CREBL2: variants seen among roughly 807,000 people sequenced by gnomAD.
CREBL2 encodes cAMP responsive element binding protein like 2, also known as cAMP-responsive element-binding protein-like 2.
In CREBL2, 4 loss-of-function variants were observed where a neutral mutation model predicts 19.5. The observed-to-expected ratio is 0.20, with a 90% CI of 0.10 to 0.47. The LOEUF (loss-of-function observed/expected upper bound fraction) is 0.47, where lower values mean the gene tolerates loss of function less well. Ranked by LOEUF, CREBL2 falls within the 20% of genes least tolerant of loss-of-function variation. CREBL2 has a pLI of 0.98. For missense variants in CREBL2, 85 were observed against 145.1 expected (o/e 0.59, Z 2.13); for synonymous variants, 42 against 46.6 (o/e 0.90, Z 0.40).
chr12:12,620,976 T>C (rs1945354274), intron 1 of CREBL2, among the ~76,000 whole-genome samples: 1 of 152,006 alleles, frequency 6.6e-6, no homozygotes. Flanking sequence ...GTTTACAGAG[T>C]AGGAATGAAT....
chr12:12,617,611 A>G (rs955750687), intron 1 of CREBL2, among the ~76,000 whole-genome samples: 2 of 125,976 alleles, frequency 1.6e-5, no homozygotes, highest in African/African-American at 5.9e-5. Flanking sequence ...ACTACGGTGC[A>G]GTAGGTCCCT....
At chr12:12,619,484 A>G (rs1945343543) in intron 1 of CREBL2, among the ~76,000 whole-genome samples, 1 of 152,068 alleles carries the variant, frequency 6.6e-6, no homozygotes, top group African/African-American at 2.4e-5. Context: ...GTATGCAGCT[A>G]TAATCCCAGC....
chr12:12,612,242 C>G, intron 1 of CREBL2, 55 bp downstream of exon 1: 1 of 1,612,630 alleles, frequency 6.2e-7, no homozygotes, highest in East Asian at 2.2e-5. Flanking sequence ...ATGCTAGTCC[C>G]GCGGCTGAAC....
chr12:12,613,466 G>A (rs1350773786), intron 1 of CREBL2, among the ~76,000 whole-genome samples: 1 of 152,194 alleles, frequency 6.6e-6, no homozygotes. Flanking sequence ...TCCTCAGAGA[G>A]ATTCAAAAAA....
At chr12:12,632,767 T>G (rs1945450353) in intron 1 of CREBL2, among the ~76,000 whole-genome samples, 1 of 152,022 alleles carries the variant, frequency 6.6e-6, no homozygotes, top group South Asian at 2.1e-4. Flanking sequence ...TCAAAATATT[T>G]TATTAAAATT....
At chr12:12,618,245 C>T (rs1467690835) in intron 1 of CREBL2, among the ~76,000 whole-genome samples, 1 of 151,204 alleles carries the variant, frequency 6.6e-6, no homozygotes, top group Non-Finnish European at 1.5e-5. Flanking sequence ...GGGGCGGCTG[C>T]CGGGCGGAGA....
At chr12:12,637,817 G>C in intron 3 of CREBL2, 103 bp downstream of exon 3, 1 of 1,265,838 alleles carries the variant, frequency 7.9e-7, no homozygotes, top group Non-Finnish European at 1.1e-6. Context: ...GAGGTGGGCA[G>C]ATCGCTTGAG....
At chr12:12,624,190 G>A (rs376571585) in intron 1 of CREBL2, among the ~76,000 whole-genome samples, 8 of 152,308 alleles carry the variant, frequency 5.3e-5, no homozygotes, top group African/African-American at 1.7e-4. Context: ...TCTTGAACTC[G>A]AGGGTGACAT....
intron 1 of CREBL2, chr12:12,614,573 A>G (rs1254187501): frequency 4.3e-5 from 9 of 208,512 alleles, no homozygotes; most frequent in Middle Eastern, 2.0e-3. Context: ...GCTCAAAGCA[A>G]TCCTCCACCT....
intron 1 of CREBL2, among the ~76,000 whole-genome samples, chr12:12,629,637 A>G (rs995266659): frequency 2.6e-5 from 4 of 151,956 alleles, no homozygotes; most frequent in Non-Finnish European, 5.9e-5. Flanking sequence ...TTGGTAGTTC[A>G]GTGTTAAATA....
intron 1 of CREBL2, among the ~76,000 whole-genome samples, chr12:12,626,670 A>G: frequency 6.6e-6 from 1 of 152,192 alleles, no homozygotes. Flanking sequence ...ATCTAATTCC[A>G]GAACAGTTCT....
At chr12:12,637,797 T>C (rs1945486918) in intron 3 of CREBL2, 83 bp downstream of exon 3, 3 of 1,409,844 alleles carry the variant, frequency 2.1e-6, no homozygotes, top group South Asian at 1.7e-5. Flanking sequence ...TCCTAGCACT[T>C]TGGGAGGCCG....
chr12:12,620,304 G>A (rs1945350087), intron 1 of CREBL2, among the ~76,000 whole-genome samples: 1 of 151,782 alleles, frequency 6.6e-6, no homozygotes, highest in African/African-American at 2.4e-5. Context: ...TGCAATCATG[G>A]TTCACTGCAG....
At chr12:12,633,761 G>A (rs1211126181) in intron 1 of CREBL2, among the ~76,000 whole-genome samples, 1 of 152,194 alleles carries the variant, frequency 6.6e-6, no homozygotes, top group African/African-American at 2.4e-5. Flanking sequence ...AGGGTACTTA[G>A]CATTGTGAAT....
chr12:12,642,826 T>C lies in CREBL2; in HGVS notation c.*828T>C, dbSNP rs1417792390. 1 of 152,612 alleles carries C rather than the reference T, an allele frequency of 6.6e-6. No homozygotes were observed. Among genetic ancestry groups the C allele is most frequent in the Non-Finnish European group, 1.5e-5 (1 of 68,046 alleles). The allele number at this position is 152,612 out of a possible 1,614,324, so 9.5% of individuals were successfully genotyped here. On this transcript the variant is annotated 3_prime_UTR_variant, in exon 4 of 4. Coordinates refer to ENST00000228865, the MANE Select transcript of CREBL2 (RefSeq NM_001310.4). ...CAGCATACATTGACAATCTAGGGTA[T>C]ATATGTATGTATGTTTCTTATTGTA...
intron 3 of CREBL2, among the ~76,000 whole-genome samples, chr12:12,641,252 TA>T (rs1193048046): frequency 0.044 from 3,660 of 82,626 alleles, 158 homozygotes; most frequent in African/African-American, 0.088. Context: ...TTATTATTAT[TA>T]TTTTTTTTTA....
At chr12:12,615,730 G>T (rs1178145970) in intron 1 of CREBL2, 1 of 152,066 alleles carries the variant, frequency 6.6e-6, no homozygotes, top group Non-Finnish European at 1.5e-5. Flanking sequence ...CTGACCTCCT[G>T]ATCCGCCCAC....
chr12:12,644,902 A>G lies in CREBL2; in HGVS notation c.*2904A>G, dbSNP rs965378035. The G allele has an allele frequency of 6.6e-6, 1 of 152,210 alleles. No homozygotes were observed. Among genetic ancestry groups the G allele is most frequent in the African/African-American group, 2.4e-5 (1 of 41,450 alleles). 9.4% of individuals were successfully genotyped at this position (152,210 alleles called of 1,614,324 possible). A position where few individuals can be genotyped will look rare whatever the true frequency, so the allele number is the denominator to read the frequency against. ...ATATTTCACAAGAAATCAGTTGCAT[A>G]TTATCCATTACATATTTAGTTTTAA... is the stretch of plus-strand genomic sequence containing the variant. On this transcript the variant is annotated 3_prime_UTR_variant, in exon 4 of 4. Coordinates refer to ENST00000228865, the MANE Select transcript of CREBL2 (RefSeq NM_001310.4).
intron 1 of CREBL2, chr12:12,614,684 C>T: frequency 3.6e-6 from 1 of 280,140 alleles, no homozygotes; most frequent in Non-Finnish European, 7.0e-6. Flanking sequence ...GATCATTTTC[C>T]TTCACACGTT....
Sources: gnomAD v4.1 joint callset for allele counts (sites outside exome capture counted in the v4.1 genomes callset) on GRCh38, gnomAD v4.1.1 for gene constraint, MANE v1.5 for transcripts, NCBI Gene and HGNC (gene_info 2026-07-23, HGNC 2026-07-21) for gene names.